C13orf46: variants seen among roughly 807,000 people sequenced by gnomAD.
C13orf46 encodes chromosome 13 open reading frame 46.
intron 5 of C13orf46, among the ~76,000 whole-genome samples, chr13:113,966,957 C>A (rs1469138094): frequency 1.3e-5 from 2 of 152,122 alleles, no homozygotes; most frequent in South Asian, 2.1e-4. Context: ...TTGTTTTGAG[C>A]ATTTACTGAC....
At chr13:113,967,086 C>T (rs1452225880) in intron 5 of C13orf46, among the ~76,000 whole-genome samples, 7 of 152,180 alleles carry the variant, frequency 4.6e-5, no homozygotes, top group Non-Finnish European at 1.0e-4. Flanking sequence ...GAAGGTTAAC[C>T]CAGGCCCCAG....
chr13:113,964,213 T>C (rs2138985619), intron 6 of C13orf46, among the ~76,000 whole-genome samples: 1 of 152,344 alleles, frequency 6.6e-6, no homozygotes, highest in East Asian at 1.9e-4. Flanking sequence ...GAAATCAAAA[T>C]ACTGATAAAC....
the C13orf46 span, among the ~76,000 whole-genome samples, chr13:113,936,732 AGTC>A: frequency 6.6e-6 from 1 of 151,236 alleles, no homozygotes; most frequent in Non-Finnish European, 1.5e-5. Flanking sequence ...TTGGGGGTGC[AGTC>A]GTCGGGGTGT....
intron 4 of C13orf46, among the ~76,000 whole-genome samples, chr13:113,968,095 T>C (rs1269784706): frequency 1.3e-5 from 2 of 152,306 alleles, no homozygotes; most frequent in African/African-American, 4.8e-5. Context: ...AAAAGCCACT[T>C]TCCTTCACAC....
chr13:113,963,559 G>A (rs1290753283), intron 6 of C13orf46, among the ~76,000 whole-genome samples: 1 of 129,250 alleles, frequency 7.7e-6, no homozygotes, highest in African/African-American at 2.8e-5. Flanking sequence ...CCTCGCTCCA[G>A]TCCTCAGCCT....
chr13:113,931,763 G>A, the C13orf46 span, among the ~76,000 whole-genome samples: 6 of 152,038 alleles, frequency 3.9e-5, no homozygotes, highest in East Asian at 1.9e-4. Flanking sequence ...ATCTCTTTAC[G>A]GTCAGATGTC....
At position 113,973,004 on chromosome 13, in the gene C13orf46, G is replaced by C. The variant is rs563955357; in HGVS notation, c.190+804C>G. Reference sequence around the variant, plus strand: ...GGAGTGCTCCCCACTTCCACCCTTAGCGTTCCGAGCACAGGGCAGCGGGAG... The same window carrying C: ...GGAGTGCTCCCCACTTCCACCCTTACCGTTCCGAGCACAGGGCAGCGGGAG... On this transcript the variant is annotated intron_variant, in intron 1 of 6. Coordinates refer to ENST00000636427, the MANE Select transcript of C13orf46 (RefSeq NM_001365455.2). Among the ~76,000 whole-genome samples, 4 of 152,318 alleles carry C rather than the reference G, an allele frequency of 2.6e-5. No homozygotes were observed. The South Asian group carries it at 8.3e-4, about 32-fold the overall frequency.
chr13:113,965,734 AAGG>A (rs1179994948), intron 5 of C13orf46, among the ~76,000 whole-genome samples: 9 of 90,492 alleles, frequency 9.9e-5, no homozygotes, highest in African/African-American at 2.0e-4. Context: ...GATGATGGTG[AAGG>A]TGATGATGGT....
chr13:113,927,277 A>T, the C13orf46 span: 1 of 341,236 alleles, frequency 2.9e-6, no homozygotes, highest in Non-Finnish European at 5.3e-6. Context: ...GGCTAAGGGT[A>T]TGGGGACCTT....
At chr13:113,933,715 A>C in the C13orf46 span, among the ~76,000 whole-genome samples, 1 of 152,200 alleles carries the variant, frequency 6.6e-6, no homozygotes, top group African/African-American at 2.4e-5. Flanking sequence ...GTTTATTTCT[A>C]AGTCCTCAGT....
intron 6 of C13orf46, among the ~76,000 whole-genome samples, chr13:113,959,552 G>T (rs1376383026): frequency 2.0e-5 from 3 of 152,218 alleles, no homozygotes; most frequent in African/African-American, 7.2e-5. Context: ...GTGACACATG[G>T]AGCCCTTCTA....
chr13:113,938,337 T>C, the C13orf46 span, among the ~76,000 whole-genome samples: 93 of 152,226 alleles, frequency 6.1e-4, 1 homozygote, highest in East Asian at 0.013. Context: ...GAGGGGAAAG[T>C]GTGAAAAGGG....
rs1306294949 is a variant in C13orf46, at chr13:113,955,273, G to C, written c.*1500C>G. 1 of 197,976 alleles carries C rather than the reference G, an allele frequency of 5.1e-6. No homozygotes were observed. The highest frequency in any genetic ancestry group is 1.0e-5 in the Non-Finnish European group (1 of 97,430). 12.3% of individuals were successfully genotyped at this position (197,976 alleles called of 1,614,324 possible). A position where few individuals can be genotyped will look rare whatever the true frequency, so the allele number is the denominator to read the frequency against. ...ACGAGGAGCATCTGGCGGAGAGGAG[G>C]AGTAGTATCTGGCGGAGAGGAGTAG... On this transcript the variant is annotated 3_prime_UTR_variant, in exon 7 of 7. Transcript: ENST00000636427.
chr13:113,942,385 CA>C, the C13orf46 span, among the ~76,000 whole-genome samples: 2 of 152,182 alleles, frequency 1.3e-5, no homozygotes, highest in Non-Finnish European at 2.9e-5. Context: ...CCATGGATGC[CA>C]AAATCAGAGA....
chr13:113,938,296 A>G, the C13orf46 span, among the ~76,000 whole-genome samples: 4 of 152,196 alleles, frequency 2.6e-5, no homozygotes. Context: ...AGTGGCTTCC[A>G]ACAGCTCAAA....
At chr13:113,936,198 T>TCA in the C13orf46 span, among the ~76,000 whole-genome samples, 1 of 152,190 alleles carries the variant, frequency 6.6e-6, no homozygotes, top group African/African-American at 2.4e-5. Context: ...AGCAAGTAAC[T>TCA]GCCAGCGGCT....
the C13orf46 span, among the ~76,000 whole-genome samples, chr13:113,936,148 A>AT: frequency 6.6e-6 from 1 of 152,226 alleles, no homozygotes; most frequent in Admixed American, 6.5e-5. Flanking sequence ...CAATTGAGTC[A>AT]TCAGCCCAGG....
chr13:113,958,155 T>TG (rs1363742517), intron 6 of C13orf46, among the ~76,000 whole-genome samples: 4 of 132,710 alleles, frequency 3.0e-5, no homozygotes, highest in South Asian at 2.6e-4. Context: ...TCAAGCGCAC[T>TG]GGGGGGTCTC....
At chr13:113,938,516 C>G in the C13orf46 span, among the ~76,000 whole-genome samples, 2 of 152,198 alleles carry the variant, frequency 1.3e-5, no homozygotes, top group Non-Finnish European at 2.9e-5. Flanking sequence ...GGAGCCCAGA[C>G]CTTACGCTGG....
Sources: allele counts gnomAD v4.1 joint callset (sites outside exome capture counted in the v4.1 genomes callset), GRCh38; gene constraint gnomAD v4.1.1; transcripts MANE v1.5; gene names NCBI Gene and HGNC (gene_info 2026-07-23, HGNC 2026-07-21).